Variants in AFF2 observed in about 807,000 individuals in gnomAD.
The protein encoded by AFF2 is AF4/FMR2 family member 2.
AFF2 carries 14 observed loss-of-function variants against 76.9 expected under a neutral mutation model. The ratio of observed to expected loss-of-function variants is 0.18; its 90% CI spans 0.12 to 0.28. The LOEUF is 0.28. AFF2 is among the 10% of genes least tolerant of loss of function. AFF2 has a pLI of 1.00. For missense variants in AFF2, 868 were observed against 1,001.1 expected (o/e 0.87, Z 1.79); for synonymous variants, 398 against 366.7 (o/e 1.09, Z -0.98).
In AFF2 at chrX:148,807,719, A is replaced by G. The variant is rs1412056108; in HGVS notation, c.1042-2157A>G. Among the ~76,000 whole-genome samples the G allele has an allele frequency of 2.7e-5, 3 of 112,801 alleles. No homozygotes were observed. In the East Asian group the frequency reaches 8.4e-4, roughly 32 times the overall value. On this transcript the variant is annotated intron_variant, in intron 3 of 20. Coordinates refer to ENST00000370460, the MANE Select transcript of AFF2 (RefSeq NM_002025.4). Reference sequence around the variant, plus strand: ...CACTCTAATACAATACAACAATGATATTGAAGATTTAAGCCTTTCTTATAA... The same window carrying G: ...CACTCTAATACAATACAACAATGATGTTGAAGATTTAAGCCTTTCTTATAA...
chrX:148,589,290 A>C (rs1409886681), intron 1 of AFF2, among the ~76,000 whole-genome samples: 1 of 111,628 alleles, frequency 9.0e-6, no homozygotes, highest in Non-Finnish European at 1.9e-5. Flanking sequence ...CTGACATGAG[A>C]ACATCTCTTC....
At chrX:148,793,846 C>T (rs781948081) in intron 3 of AFF2, among the ~76,000 whole-genome samples, 18 of 111,699 alleles carry the variant, frequency 1.6e-4, no homozygotes, top group African/African-American at 5.5e-4. Flanking sequence ...ATATAATCCC[C>T]GGGGCCTTTT....
At chrX:148,630,581 G>A (rs1001050232) in intron 1 of AFF2, among the ~76,000 whole-genome samples, 1 of 111,387 alleles carries the variant, frequency 9.0e-6, no homozygotes, top group Non-Finnish European at 1.9e-5. Flanking sequence ...CGTTTAGGAC[G>A]TTTCTTTTGG....
chrX:148,672,940 T>C (rs1044196824), intron 3 of AFF2, among the ~76,000 whole-genome samples: 4 of 111,578 alleles, frequency 3.6e-5, no homozygotes, highest in Non-Finnish European at 3.8e-5. Flanking sequence ...AAAGTGGGTA[T>C]GAAACTAATT....
intron 3 of AFF2, among the ~76,000 whole-genome samples, chrX:148,724,021 C>A (rs1213230657): frequency 1.9e-5 from 2 of 105,894 alleles, no homozygotes; most frequent in Non-Finnish European, 3.9e-5. Context: ...CATTGCCAAG[C>A]GTATGCCTGA....
intron 4 of AFF2, among the ~76,000 whole-genome samples, chrX:148,821,135 C>T (rs781945276): frequency 1.8e-5 from 2 of 111,706 alleles, no homozygotes; most frequent in South Asian, 7.6e-4. Context: ...TAGAGCTCAG[C>T]TCTTCTCCCT....
intron 3 of AFF2, among the ~76,000 whole-genome samples, chrX:148,681,041 C>A (rs1321841284): frequency 5.4e-5 from 6 of 111,608 alleles, no homozygotes; most frequent in Non-Finnish European, 7.5e-5. Context: ...GAGTTGAGAC[C>A]TTTGCGGTAG....
intron 7 of AFF2, among the ~76,000 whole-genome samples, chrX:148,875,660 T>A (rs1275517408): frequency 1.8e-5 from 2 of 111,583 alleles, no homozygotes; most frequent in African/African-American, 6.5e-5. Context: ...AGATTGAGAG[T>A]TTGCAGTTAC....
intron 4 of AFF2, among the ~76,000 whole-genome samples, chrX:148,824,506 G>A (rs947994862): frequency 2.7e-5 from 3 of 111,904 alleles, no homozygotes; most frequent in African/African-American, 9.8e-5. Flanking sequence ...ACATACATCA[G>A]AAACTCACAT....
intron 3 of AFF2, among the ~76,000 whole-genome samples, chrX:148,720,178 G>A (rs2055074062): frequency 9.0e-6 from 1 of 110,972 alleles, no homozygotes; most frequent in Non-Finnish European, 1.9e-5. Context: ...AGTGGCTGCT[G>A]AGTTCTGCTT....
intron 3 of AFF2, among the ~76,000 whole-genome samples, chrX:148,770,094 G>T (rs1557268002): frequency 9.0e-6 from 1 of 111,438 alleles, no homozygotes; most frequent in Admixed American, 9.5e-5. Flanking sequence ...GATGTGTGAT[G>T]GGGGAAAAAC....
At chrX:148,703,977 C>T (rs1171182302) in intron 3 of AFF2, among the ~76,000 whole-genome samples, 5 of 107,864 alleles carry the variant, frequency 4.6e-5, no homozygotes, top group South Asian at 3.9e-4. Context: ...GCAGCCTTGA[C>T]GTGGACTTCC....
At chrX:148,517,903 G>C (rs1448121279) in intron 1 of AFF2, among the ~76,000 whole-genome samples, 1 of 107,914 alleles carries the variant, frequency 9.3e-6, no homozygotes, top group Non-Finnish European at 1.9e-5. Context: ...GGCGCCTGTA[G>C]TCCCAGCTAC....
chrX:148,612,324 T>C (rs1437106132), intron 1 of AFF2, among the ~76,000 whole-genome samples: 3 of 112,142 alleles, frequency 2.7e-5, no homozygotes, highest in African/African-American at 9.7e-5. Flanking sequence ...CAAAGCCCTC[T>C]CTTCTTGTGC....
intron 15 of AFF2, among the ~76,000 whole-genome samples, chrX:148,969,081 G>C (rs782555383): frequency 8.9e-6 from 1 of 112,852 alleles, no homozygotes; most frequent in Admixed American, 9.3e-5. Flanking sequence ...AGGAGACCAT[G>C]TAAATGAAAT....
chrX:148,524,060 AT>A (rs2052629105), intron 1 of AFF2, among the ~76,000 whole-genome samples: 1 of 107,248 alleles, frequency 9.3e-6, no homozygotes, highest in Non-Finnish European at 1.9e-5. Flanking sequence ...TTCGGTACTG[AT>A]GTACAGCTTT....
intron 13 of AFF2, among the ~76,000 whole-genome samples, chrX:148,966,321 G>A (rs902679159): frequency 2.7e-5 from 3 of 111,434 alleles, no homozygotes; most frequent in Admixed American, 9.5e-5. Context: ...ACCTGAGGAC[G>A]TTACTTACCC....
At chrX:148,968,600 T>G (rs782457366) in intron 15 of AFF2, among the ~76,000 whole-genome samples, 1 of 112,383 alleles carries the variant, frequency 8.9e-6, no homozygotes, top group Non-Finnish European at 1.9e-5. Flanking sequence ...CCAGTGGTGT[T>G]TGATACTGGG....
At chrX:148,501,252 A>T (rs2052345206) in intron 1 of AFF2, 108 bp downstream of exon 1, 31 of 966,700 alleles carry the variant, frequency 3.2e-5, no homozygotes, top group Non-Finnish European at 4.1e-5. Context: ...GGCGCCCCGG[A>T]CTCCCTCCCA....
Sources: gnomAD v4.1 joint callset for allele counts (sites outside exome capture counted in the v4.1 genomes callset) on GRCh38, gnomAD v4.1.1 for gene constraint, MANE v1.5 for transcripts, NCBI Gene and HGNC (gene_info 2026-07-23, HGNC 2026-07-21) for gene names.